ZNF385D: variants seen among roughly 807,000 people sequenced by gnomAD.
ZNF385D encodes the protein zinc finger protein 385D, also known as zinc finger protein 659.
ZNF385D carries 15 observed loss-of-function variants against 35.8 expected under a neutral mutation model. The observed-to-expected ratio is 0.42, with a 90% confidence interval of 0.28 to 0.64. The LOEUF (loss-of-function observed/expected upper bound fraction) is 0.64. ZNF385D is among the 30% of genes least tolerant of loss of function. ZNF385D has a pLI of 0.23. For missense variants in ZNF385D, 474 were observed against 494.6 expected, an observed-to-expected ratio of 0.96 and a Z score of 0.39; for synonymous variants, 212 against 186.8, an observed-to-expected ratio of 1.13 and a Z score of -1.10.
At chr3:22,316,782 A>G (rs949089460) in intron 2 of ZNF385D, among the ~76,000 whole-genome samples, 4 of 152,174 alleles carry the variant, frequency 2.6e-5, no homozygotes, top group Admixed American at 6.5e-5. Context: ...TGAAACTTCT[A>G]AGGAAGTTTT....
intron 2 of ZNF385D, among the ~76,000 whole-genome samples, chr3:22,262,497 C>A (rs1280148018): frequency 6.6e-6 from 1 of 151,704 alleles, no homozygotes; most frequent in Non-Finnish European, 1.5e-5. Flanking sequence ...ACACAAGTGC[C>A]TTAGGGACAT....
At chr3:21,542,754 C>G (rs1421385177) in intron 3 of ZNF385D, 4 of 152,296 alleles carry the variant, frequency 2.6e-5, no homozygotes, top group East Asian at 3.9e-4. Flanking sequence ...TGTGTGGAAC[C>G]TGCGATTTCA....
chr3:22,090,505 A>G (rs186129139), intron 3 of ZNF385D, among the ~76,000 whole-genome samples: 2 of 151,990 alleles, frequency 1.3e-5, no homozygotes, highest in Non-Finnish European at 2.9e-5. Flanking sequence ...GCTCTTACAG[A>G]GAAAAAAAAA....
chr3:21,696,448 A>C (rs1183827291), intron 1 of ZNF385D, among the ~76,000 whole-genome samples: 1 of 152,174 alleles, frequency 6.6e-6, no homozygotes, highest in African/African-American at 2.4e-5. Flanking sequence ...TATTATATTC[A>C]TTGTGTTTTG....
At chr3:21,721,837 C>T (rs1023674040) in intron 1 of ZNF385D, among the ~76,000 whole-genome samples, 23 of 152,234 alleles carry the variant, frequency 1.5e-4, no homozygotes, top group African/African-American at 5.1e-4. Flanking sequence ...CGGTGGCTCA[C>T]GCCTGTATTC....
intron 3 of ZNF385D, among the ~76,000 whole-genome samples, chr3:21,905,523 A>G (rs1559740938): frequency 6.7e-6 from 1 of 148,336 alleles, no homozygotes; most frequent in Admixed American, 6.6e-5. Flanking sequence ...CCAAGAAGCT[A>G]AACTCTTCAG....
chr3:21,967,883 A>G (rs1468420044), intron 3 of ZNF385D, among the ~76,000 whole-genome samples: 1 of 152,232 alleles, frequency 6.6e-6, no homozygotes, highest in Admixed American at 6.5e-5. Flanking sequence ...TATCCATACA[A>G]AAACCACCAC....
intron 2 of ZNF385D, among the ~76,000 whole-genome samples, chr3:21,571,814 A>G (rs1477723308): frequency 6.6e-6 from 1 of 152,186 alleles, no homozygotes; most frequent in Non-Finnish European, 1.5e-5. Context: ...CACGATTCAG[A>G]AGCAGCTCAA....
At chr3:21,456,388 A>C (rs1449221218) in intron 4 of ZNF385D, among the ~76,000 whole-genome samples, 1 of 152,236 alleles carries the variant, frequency 6.6e-6, no homozygotes, top group Non-Finnish European at 1.5e-5. Flanking sequence ...CATATACACC[A>C]TGGAATACTA....
chr3:22,155,283 A>G (rs1705514148), intron 3 of ZNF385D, among the ~76,000 whole-genome samples: 1 of 152,098 alleles, frequency 6.6e-6, no homozygotes, highest in South Asian at 2.1e-4. Context: ...AATCAGTCAT[A>G]TGGGATGTGG....
At chr3:22,299,348 T>A (rs1453621689) in intron 2 of ZNF385D, among the ~76,000 whole-genome samples, 2 of 151,980 alleles carry the variant, frequency 1.3e-5, no homozygotes, top group South Asian at 2.1e-4. Flanking sequence ...TTTGTAACTT[T>A]ACTCTAGGCC....
chr3:22,043,694 C>A (rs1436376615), intron 3 of ZNF385D, among the ~76,000 whole-genome samples: 1 of 150,442 alleles, frequency 6.6e-6, no homozygotes, highest in Non-Finnish European at 1.5e-5. Flanking sequence ...GTCTTCAAGA[C>A]CTTGTTGCAG....
intron 2 of ZNF385D, among the ~76,000 whole-genome samples, chr3:22,266,793 C>T (rs944172757): frequency 6.6e-6 from 1 of 151,858 alleles, no homozygotes; most frequent in East Asian, 1.9e-4. Flanking sequence ...CAGATATTAT[C>T]GGTAAGTAAA....
At chr3:21,765,810 G>A (rs2070807146) in intron 3 of ZNF385D, among the ~76,000 whole-genome samples, 1 of 152,082 alleles carries the variant, frequency 6.6e-6, no homozygotes, top group South Asian at 2.1e-4. Context: ...AGGCTAGGTA[G>A]GCTTTGGTTA....
At chr3:21,601,397 T>G (rs1375768338) in intron 2 of ZNF385D, among the ~76,000 whole-genome samples, 2 of 152,194 alleles carry the variant, frequency 1.3e-5, no homozygotes, top group Non-Finnish European at 2.9e-5. Context: ...CACTTCCAAT[T>G]GATTAGCACA....
intron 3 of ZNF385D, among the ~76,000 whole-genome samples, chr3:22,059,449 A>G (rs1271028104): frequency 6.6e-6 from 1 of 152,184 alleles, no homozygotes; most frequent in Non-Finnish European, 1.5e-5. Flanking sequence ...GGTTTTAAGA[A>G]TATTTTCTTC....
chr3:21,798,080 C>G (rs554812871), intron 3 of ZNF385D, among the ~76,000 whole-genome samples: 91 of 152,264 alleles, frequency 6.0e-4, no homozygotes, highest in African/African-American at 2.0e-3. Flanking sequence ...ACAAATGTAC[C>G]TCTCTGGTGG....
chr3:21,869,988 T>G (rs1697597514), intron 3 of ZNF385D, among the ~76,000 whole-genome samples: 1 of 152,148 alleles, frequency 6.6e-6, no homozygotes, highest in South Asian at 2.1e-4. Context: ...AGATATATTT[T>G]TATATCCCAC....
chr3:21,575,709 A>T (rs1353566656), intron 2 of ZNF385D, among the ~76,000 whole-genome samples: 3 of 152,126 alleles, frequency 2.0e-5, no homozygotes, highest in African/African-American at 2.4e-5. Context: ...GCATGGAAGT[A>T]CAACACTCCA....
Sources: gnomAD v4.1 joint callset for allele counts (sites outside exome capture counted in the v4.1 genomes callset) on GRCh38, gnomAD v4.1.1 for gene constraint, MANE v1.5 for transcripts, NCBI Gene and HGNC (gene_info 2026-07-23, HGNC 2026-07-21) for gene names.